The following ADAM12 variants were observed in gnomAD, a reference collection of about 807,000 sequenced individuals.
The protein encoded by ADAM12 is ADAM metallopeptidase domain 12, also known as disintegrin and metalloproteinase domain-containing protein 12.
ADAM12 carries 70 observed loss-of-function variants against 106.4 expected under a neutral mutation model. The ratio of observed to expected loss-of-function variants is 0.66; its 90% CI spans 0.54 to 0.80. ADAM12 has a LOEUF of 0.80. Ranked by LOEUF, ADAM12 falls within the 30% of genes least tolerant of loss-of-function variation. The pLI is 0.00. For synonymous variants in ADAM12, 420 were observed against 433.5 expected (o/e 0.97, Z 0.39); for missense variants, 1,010 against 1,171.9 (o/e 0.86, Z 2.02).
intron 3 of ADAM12, among the ~76,000 whole-genome samples, chr10:126,159,276 C>G (rs1291149541): frequency 7.6e-6 from 1 of 131,994 alleles, no homozygotes; most frequent in Non-Finnish European, 1.5e-5. Flanking sequence ...TGCCACTGCA[C>G]TCCAGCCTGG....
At chr10:126,345,808 T>C (rs1353914931) in intron 1 of ADAM12, among the ~76,000 whole-genome samples, 3 of 152,142 alleles carry the variant, frequency 2.0e-5, no homozygotes, top group Non-Finnish European at 4.4e-5. Context: ...AGTTTATTTG[T>C]GTAGAGGTGT....
intron 8 of ADAM12, among the ~76,000 whole-genome samples, chr10:126,102,253 G>T (rs1428855155): frequency 1.3e-5 from 2 of 152,090 alleles, no homozygotes. Context: ...TCACCTGGTG[G>T]GCTGTCAAAT....
At chr10:126,336,021 G>A (rs887964827) in intron 1 of ADAM12, among the ~76,000 whole-genome samples, 4 of 152,188 alleles carry the variant, frequency 2.6e-5, no homozygotes, top group African/African-American at 9.7e-5. Flanking sequence ...AACCTAAGGA[G>A]ACAGGACAAC....
chr10:126,366,009 C>A (rs377049076), intron 1 of ADAM12, among the ~76,000 whole-genome samples: 4 of 152,016 alleles, frequency 2.6e-5, no homozygotes, highest in African/African-American at 7.2e-5. Flanking sequence ...GAATATTATA[C>A]GAGGTTTAGA....
At chr10:126,282,970 A>T (rs1959660560) in intron 2 of ADAM12, among the ~76,000 whole-genome samples, 1 of 151,948 alleles carries the variant, frequency 6.6e-6, no homozygotes, top group African/African-American at 2.4e-5. Flanking sequence ...ATGAAATACA[A>T]CTCACCATAA....
At chr10:126,261,397 T>G (rs753814934) in intron 3 of ADAM12, among the ~76,000 whole-genome samples, 16 of 152,212 alleles carry the variant, frequency 1.1e-4, no homozygotes, top group Non-Finnish European at 2.2e-4. Flanking sequence ...CAAAAATTAC[T>G]GAATTTTTTG....
At chr10:126,036,972 A>T (rs1209747292) in intron 20 of ADAM12, among the ~76,000 whole-genome samples, 1 of 152,160 alleles carries the variant, frequency 6.6e-6, no homozygotes, top group Non-Finnish European at 1.5e-5. Flanking sequence ...ACAACAAACA[A>T]GTGGACAAAT....
chr10:126,028,167 CAAAG>C (rs936373830), intron 21 of ADAM12, among the ~76,000 whole-genome samples: 41 of 152,078 alleles, frequency 2.7e-4, no homozygotes, highest in African/African-American at 9.9e-4. Flanking sequence ...CACCACTGCT[CAAAG>C]AAATCAGAGG....
At chr10:126,184,237 T>C (rs1400357368) in intron 3 of ADAM12, among the ~76,000 whole-genome samples, 1 of 152,204 alleles carries the variant, frequency 6.6e-6, no homozygotes, top group Non-Finnish European at 1.5e-5. Context: ...AAAAGTGAAA[T>C]GCAAAGTGAT....
intron 3 of ADAM12, among the ~76,000 whole-genome samples, chr10:126,264,834 C>T (rs1959066994): frequency 6.6e-6 from 1 of 152,174 alleles, no homozygotes. Flanking sequence ...CTACTAGCAA[C>T]ACTGGAACCA....
At chr10:126,155,184 C>T (rs1450972388) in intron 4 of ADAM12, 43 bp downstream of exon 4, 3 of 1,595,248 alleles carry the variant, frequency 1.9e-6, no homozygotes, top group Non-Finnish European at 2.6e-6. Context: ...AAGCACAGAT[C>T]CAGTGGTGTA....
At chr10:126,206,860 C>CGGGGGGG (rs907511503) in intron 3 of ADAM12, among the ~76,000 whole-genome samples, 11 of 97,830 alleles carry the variant, frequency 1.1e-4, no homozygotes, top group Middle Eastern at 7.7e-3. Context: ...GTTGTGGGGG[C>CGGGGGGG]GGGGGGGAGC....
chr10:126,279,478 AGGGGTGGGGGT>A (rs952977176), intron 2 of ADAM12, among the ~76,000 whole-genome samples: 1 of 2,598 alleles, frequency 3.8e-4, no homozygotes, highest in Admixed American at 5.4e-3. Flanking sequence ...TGGGAGGCCG[AGGGGTGGGGGT>A]GGGGTGGGGG....
chr10:126,313,720 C>T (rs1466485154), intron 2 of ADAM12, among the ~76,000 whole-genome samples: 1 of 152,116 alleles, frequency 6.6e-6, no homozygotes, highest in Admixed American at 6.5e-5. Context: ...TGGTATTTAT[C>T]ACAGAAGCTT....
intron 3 of ADAM12, among the ~76,000 whole-genome samples, chr10:126,237,524 G>T (rs568825654): frequency 1.8e-4 from 27 of 152,210 alleles, no homozygotes; most frequent in Admixed American, 1.6e-3. Context: ...TTCAGCAAAA[G>T]TTCTGCTTTC....
intron 4 of ADAM12, among the ~76,000 whole-genome samples, chr10:126,143,958 T>G (rs1956576637): frequency 6.6e-6 from 1 of 152,168 alleles, no homozygotes; most frequent in South Asian, 2.1e-4. Context: ...ATAACTGGGC[T>G]ACATTACACT....
At chr10:126,062,236 A>G (rs1426625442) in intron 14 of ADAM12, among the ~76,000 whole-genome samples, 1 of 152,086 alleles carries the variant, frequency 6.6e-6, no homozygotes, top group East Asian at 1.9e-4. Flanking sequence ...ATTTGTTACC[A>G]ACAGTCCTGA....
In ADAM12 at chr10:126,019,771, T is replaced by C. The variant is rs1390495933; in HGVS notation, c.2584A>G (p.Arg862Gly). The change falls in exon 22 of 23, where the codon AGA becomes GGA. Residue 862 changes from arginine to glycine, a missense_variant. This residue lies in a region of ADAM12 where 615 missense variants were observed against 708.5 expected (regional missense o/e 0.87). Coordinates refer to ENST00000448723, the MANE Select transcript of ADAM12 (RefSeq NM_001288973.2). ...AAGGCATGAGTGAGCCGAGTTGTTC[T>C]GGCCAGAGGATCTGCAGGCAGAGGC... ...QKPLPADPLA[R>G]TTRLTHALAR... 9 of 1,614,024 alleles carry C rather than the reference T, an allele frequency of 5.6e-6. No homozygotes were observed. The African/African-American group carries it at 6.7e-5, about 12-fold the overall frequency.
intron 12 of ADAM12, among the ~76,000 whole-genome samples, chr10:126,069,735 T>C (rs878977415): frequency 3.9e-5 from 6 of 151,922 alleles, no homozygotes; most frequent in South Asian, 2.1e-4. Context: ...GAGATGGCAG[T>C]GGTTACAATA....
Sources: gnomAD v4.1 joint callset for allele counts (sites outside exome capture counted in the v4.1 genomes callset) on GRCh38, gnomAD v4.1.1 for gene constraint, gnomAD v4.1.1 regional missense constraint, MANE v1.5 for transcripts, NCBI Gene and HGNC (gene_info 2026-07-23, HGNC 2026-07-21) for gene names.